The following MSRA variants were observed in gnomAD, a reference collection of about 807,000 sequenced individuals.
MSRA encodes methionine sulfoxide reductase A.
A neutral mutation model predicts 31.3 loss-of-function variants in MSRA; 54 were observed. The ratio of observed to expected loss-of-function variants is 1.73; its 90% CI spans 1.39 to 2.17. The LOEUF is 2.17. Among genes scored for constraint, MSRA ranks in the 30% most tolerant of loss-of-function variants. The probability of loss-of-function intolerance (pLI) is 0.00; values close to 1 mark genes in which losing one functional copy is unlikely to be tolerated. For missense variants in MSRA, 507 were observed against 300.9 expected, an observed-to-expected ratio of 1.69 and a Z score of -5.07; for synonymous variants, 169 against 116.5, an observed-to-expected ratio of 1.45 and a Z score of -2.90.
intron 5 of MSRA, among the ~76,000 whole-genome samples, chr8:10,341,476 C>G (rs1292449826): frequency 6.6e-6 from 1 of 152,162 alleles, no homozygotes; most frequent in African/African-American, 2.4e-5. Context: ...ATCCAAACAC[C>G]TTCCACTAGG....
intron 1 of MSRA, among the ~76,000 whole-genome samples, chr8:10,149,563 T>G (rs187795917): frequency 3.3e-5 from 5 of 152,260 alleles, no homozygotes; most frequent in Admixed American, 2.0e-4. Flanking sequence ...TTCCCCTTTT[T>G]GCAGAGAGAG....
chr8:10,378,736 C>G (rs1805889606), intron 5 of MSRA, among the ~76,000 whole-genome samples: 1 of 152,240 alleles, frequency 6.6e-6, no homozygotes. Flanking sequence ...TTCTTGGGCT[C>G]CACCCCAGAA....
At chr8:10,103,221 G>A (rs1799652318) in intron 1 of MSRA, among the ~76,000 whole-genome samples, 1 of 152,096 alleles carries the variant, frequency 6.6e-6, no homozygotes. Context: ...TTTAGAAGAG[G>A]TCAGTATATT....
At chr8:10,149,717 A>G (rs4841287) in intron 1 of MSRA, among the ~76,000 whole-genome samples, 97,940 of 150,590 alleles carry the variant, frequency 0.65, 33,444 homozygotes, top group Non-Finnish European at 0.76. Flanking sequence ...AAATAAATGC[A>G]TGTACATATA....
At chr8:10,143,944 A>G (rs1802919896) in intron 1 of MSRA, among the ~76,000 whole-genome samples, 1 of 152,194 alleles carries the variant, frequency 6.6e-6, no homozygotes, top group African/African-American at 2.4e-5. Context: ...CGTGTCAAGA[A>G]GCAGGGGAGA....
intron 1 of MSRA, among the ~76,000 whole-genome samples, chr8:10,142,818 C>G (rs924975248): frequency 6.6e-6 from 1 of 152,186 alleles, no homozygotes; most frequent in Non-Finnish European, 1.5e-5. Flanking sequence ...TGATGTTTTC[C>G]AATGCAGATT....
intron 1 of MSRA, among the ~76,000 whole-genome samples, chr8:10,124,151 A>G (rs1388566257): frequency 6.6e-6 from 1 of 152,162 alleles, no homozygotes; most frequent in Admixed American, 6.5e-5. Flanking sequence ...ACATAGAGGC[A>G]AAGGGGTTTC....
chr8:10,265,120 G>A (rs893059254), intron 3 of MSRA, among the ~76,000 whole-genome samples: 18 of 152,184 alleles, frequency 1.2e-4, no homozygotes, highest in African/African-American at 3.9e-4. Context: ...GACTCTTCAG[G>A]TGGTGTTTTA....
At chr8:10,286,722 A>T (rs1035203114) in intron 3 of MSRA, among the ~76,000 whole-genome samples, 3 of 152,220 alleles carry the variant, frequency 2.0e-5, no homozygotes, top group Admixed American at 6.5e-5. Flanking sequence ...TCAGTGTATC[A>T]CATGTCTTTG....
intron 3 of MSRA, among the ~76,000 whole-genome samples, chr8:10,265,186 A>G (rs1798682354): frequency 6.6e-6 from 1 of 152,180 alleles, no homozygotes; most frequent in South Asian, 2.1e-4. Flanking sequence ...ACCAGATGCT[A>G]ATATGCTCTG....
chr8:10,221,538 G>A (rs1444190541), intron 2 of MSRA, among the ~76,000 whole-genome samples: 2 of 151,964 alleles, frequency 1.3e-5, no homozygotes, highest in African/African-American at 2.4e-5. Flanking sequence ...CTAGTTAATG[G>A]CAGAACTAGT....
intron 3 of MSRA, among the ~76,000 whole-genome samples, chr8:10,280,591 A>G (rs1199615682): frequency 6.6e-6 from 1 of 152,194 alleles, no homozygotes; most frequent in Non-Finnish European, 1.5e-5. Flanking sequence ...TCGTGTAGTC[A>G]CTTTGGAAAC....
At chr8:10,329,343 G>T (rs1422260476) in intron 5 of MSRA, among the ~76,000 whole-genome samples, 2 of 152,188 alleles carry the variant, frequency 1.3e-5, no homozygotes, top group African/African-American at 4.8e-5. Context: ...CCAGCGTCTG[G>T]TGGGTGCCAC....
intron 1 of MSRA, among the ~76,000 whole-genome samples, chr8:10,116,381 T>C (rs752545844): frequency 2.0e-5 from 3 of 152,250 alleles, no homozygotes; most frequent in Non-Finnish European, 4.4e-5. Flanking sequence ...ATAGTATTAA[T>C]GCATCACATA....
intron 1 of MSRA, among the ~76,000 whole-genome samples, chr8:10,173,740 T>A (rs1805800454): frequency 6.6e-6 from 1 of 152,220 alleles, no homozygotes; most frequent in Non-Finnish European, 1.5e-5. Flanking sequence ...TCTTTGTCAC[T>A]GTTTTCTTGT....
At chr8:10,102,613 T>A (rs1165877086) in intron 1 of MSRA, among the ~76,000 whole-genome samples, 1 of 152,240 alleles carries the variant, frequency 6.6e-6, no homozygotes, top group Non-Finnish European at 1.5e-5. Flanking sequence ...TGACTGTGTT[T>A]TCTCATTTAA....
rs540431995 is a variant in MSRA, at chr8:10,163,643, G to C, written c.143-44190G>C. On this transcript the variant is annotated intron_variant, in intron 1 of 5. Transcript: ENST00000317173. Reference sequence around the variant, plus strand: ...TGAAATGTGAAATCAGTATGGCATTGGGTGGAAACAGAATTCTACTGCACG... The same window carrying C: ...TGAAATGTGAAATCAGTATGGCATTCGGTGGAAACAGAATTCTACTGCACG... 1.1e-3 allele frequency among the ~76,000 whole-genome samples: 171 copies of C among 152,366 alleles called. 1 individual carries two copies. The highest frequency in any genetic ancestry group is 0.01 in the Middle Eastern group (3 of 294).
At chr8:10,337,902 C>T (rs1486217128) in intron 5 of MSRA, 2 of 673,138 alleles carry the variant, frequency 3.0e-6, no homozygotes, top group Non-Finnish European at 5.4e-6. Flanking sequence ...GTTATGACAG[C>T]AGGGCTTCGT....
chr8:10,168,950 T>C lies in MSRA; in HGVS notation c.143-38883T>C, dbSNP rs557885203. On this transcript the variant is annotated intron_variant, in intron 1 of 5. Transcript: ENST00000317173. Reference sequence around the variant, plus strand: ...TGTGTAGATACTCATGATATAAAGATTGAGTTGTTACTAATCACTATGAGG... The same window carrying C: ...TGTGTAGATACTCATGATATAAAGACTGAGTTGTTACTAATCACTATGAGG... 1.3e-4 allele frequency among the ~76,000 whole-genome samples: 20 copies of C among 152,216 alleles called. 1 individual carries two copies. Among genetic ancestry groups the C allele is most frequent in the Admixed American group, 1.3e-3 (20 of 15,290 alleles).
Sources: gnomAD v4.1 joint callset for allele counts (sites outside exome capture counted in the v4.1 genomes callset) on GRCh38, gnomAD v4.1.1 for gene constraint, MANE v1.5 for transcripts, NCBI Gene and HGNC (gene_info 2026-07-23, HGNC 2026-07-21) for gene names.